The following ZC3H18 variants were observed in gnomAD, a reference collection of about 807,000 sequenced individuals.
ZC3H18 encodes the protein zinc finger CCCH-type containing 18, also known as zinc finger CCCH domain-containing protein 18.
Under a neutral mutation model 106.1 loss-of-function variants are expected in ZC3H18, and 8 were observed. The ratio of observed to expected loss-of-function variants is 0.08; its 90% CI spans 0.04 to 0.14. The LOEUF is 0.14. Ranked by LOEUF, ZC3H18 falls within the 10% of genes least tolerant of loss-of-function variation. ZC3H18 has a pLI of 1.00. For missense variants in ZC3H18, 1,318 were observed against 1,278.4 expected, an observed-to-expected ratio of 1.03 and a Z score of -0.47; for synonymous variants, 635 against 522.1, an observed-to-expected ratio of 1.22 and a Z score of -2.95.
chr16:88,570,728 A>G (rs992294126), intron 1 of ZC3H18, among the ~76,000 whole-genome samples, 162 bp downstream of exon 1: 5 of 151,346 alleles, frequency 3.3e-5, no homozygotes, highest in African/African-American at 1.2e-4. Context: ...GGCCCAGGGA[A>G]GGGGACCTTG....
At chr16:88,629,088 C>T (rs1906503070) in intron 16 of ZC3H18, among the ~76,000 whole-genome samples, 1 of 152,236 alleles carries the variant, frequency 6.6e-6, no homozygotes, top group African/African-American at 2.4e-5. Flanking sequence ...CCTATAATCC[C>T]AGCACTTTGG....
chr16:88,581,498 C>T (rs1298413678), intron 2 of ZC3H18, among the ~76,000 whole-genome samples: 1 of 152,160 alleles, frequency 6.6e-6, no homozygotes, highest in Non-Finnish European at 1.5e-5. Context: ...CCAGAACACC[C>T]CCTGATGCAA....
rs1388626620 is a variant in ZC3H18 at position 88,630,338 on chromosome 16, C to T, written c.2567-147C>T. On this transcript the variant is annotated intron_variant, in intron 16 of 17. Coordinates refer to ENST00000301011, the MANE Select transcript of ZC3H18 (RefSeq NM_144604.4). ...CACATCTCTCTTCTCCTACTTGGCT[C>T]TCCCCTTTTTATTTCTTTATAAAAA... The T allele has an allele frequency of 4.9e-6, 3 of 616,996 alleles. No homozygotes were observed. In the Admixed American group the frequency reaches 8.9e-5, roughly 18 times the overall value. 38.2% of individuals were successfully genotyped at this position (616,996 alleles called of 1,614,324 possible).
At chr16:88,597,532 C>T (rs563009392) in intron 3 of ZC3H18, among the ~76,000 whole-genome samples, 8 of 152,342 alleles carry the variant, frequency 5.3e-5, no homozygotes, top group African/African-American at 1.9e-4. Context: ...TTGAGTTAGA[C>T]ACTTAGATGT....
intron 3 of ZC3H18, chr16:88,587,743 G>A: frequency 1.1e-6 from 1 of 901,110 alleles, no homozygotes; most frequent in Non-Finnish European, 1.7e-6. Flanking sequence ...GAGGGGCAGA[G>A]AGCTGTTCGG....
At chr16:88,605,697 C>G (rs992215003) in intron 6 of ZC3H18, among the ~76,000 whole-genome samples, 1 of 152,240 alleles carries the variant, frequency 6.6e-6, no homozygotes, top group African/African-American at 2.4e-5. Context: ...TTTCCTAGTA[C>G]TTTTTGAGAT....
intron 9 of ZC3H18, chr16:88,622,823 G>A: frequency 3.3e-6 from 1 of 306,972 alleles, no homozygotes; most frequent in Non-Finnish European, 6.2e-6. Flanking sequence ...AGGGGGCCGG[G>A]GTAGACCCCA....
At chr16:88,623,093 G>A in intron 9 of ZC3H18, 126 bp from the exon 10 acceptor site, 1 of 1,379,670 alleles carries the variant, frequency 7.2e-7, no homozygotes, top group Non-Finnish European at 9.7e-7. Context: ...GTGCGCGCGT[G>A]CGCAGCTGTG....
chr16:88,577,252 G>C lies in ZC3H18; in HGVS notation c.129G>C (p.Val43=), dbSNP rs1381018420. The C allele has an allele frequency of 2.5e-6, 4 of 1,613,482 alleles. No individual in the cohort carries two copies. In the African/African-American group the frequency reaches 5.3e-5, roughly 22 times the overall value. ...ATCAGGATTTGGACGGGGCGGGGGT[G>C]AGGGCTTCTGATCTGGAGGATGAGG... is the stretch of plus-strand genomic sequence containing the variant. ...GSDQDLDGAG[V]RASDLEDEES... Residue 43 remains valine, a synonymous_variant, in exon 2 of 18, where the codon GTG becomes GTC. Coordinates refer to ENST00000301011, the MANE Select transcript of ZC3H18 (RefSeq NM_144604.4).
intron 1 of ZC3H18, among the ~76,000 whole-genome samples, chr16:88,572,039 A>C (rs1914439273): frequency 6.6e-6 from 1 of 152,068 alleles, no homozygotes; most frequent in Non-Finnish European, 1.5e-5. Flanking sequence ...TTCAATAGTC[A>C]CCCTCCAGGT....
chr16:88,604,344 CT>C (rs1904905017), intron 6 of ZC3H18, among the ~76,000 whole-genome samples: 1 of 89,782 alleles, frequency 1.1e-5, no homozygotes, highest in Non-Finnish European at 2.2e-5. Context: ...GAGTGAGACT[CT>C]TTCTCCAAAA....
intron 3 of ZC3H18, among the ~76,000 whole-genome samples, chr16:88,594,981 G>A (rs1277605632): frequency 4.6e-5 from 7 of 151,972 alleles, no homozygotes; most frequent in Non-Finnish European, 7.4e-5. Flanking sequence ...GAGAAACCTC[G>A]TTTCTACTAA....
chr16:88,631,405 T>TA lies in ZC3H18; in HGVS notation c.*112dup. ...TTTGGCTGTGATTCTTTTTAAAAAG[T>TA]AAAAAAGAAAAAAAAGTTTCTCAGC... On this transcript the variant is annotated 3_prime_UTR_variant, in exon 18 of 18. Coordinates refer to ENST00000301011, the MANE Select transcript of ZC3H18 (RefSeq NM_144604.4). The TA allele has an allele frequency of 6.9e-7, 1 of 1,442,992 alleles. No individual in the cohort carries two copies. The highest frequency in any genetic ancestry group is 9.3e-7 in the Non-Finnish European group (1 of 1,076,426). 89.4% of individuals were successfully genotyped at this position (1,442,992 alleles called of 1,614,324 possible).
chr16:88,619,228 C>T (rs904840982), intron 8 of ZC3H18, among the ~76,000 whole-genome samples: 1 of 151,992 alleles, frequency 6.6e-6, no homozygotes, highest in Non-Finnish European at 1.5e-5. Flanking sequence ...GAGCCAAGAT[C>T]GCACCACCGT....
At chr16:88,602,212 G>A (rs139140691) in intron 6 of ZC3H18, among the ~76,000 whole-genome samples, 5 of 152,348 alleles carry the variant, frequency 3.3e-5, no homozygotes, top group Admixed American at 3.3e-4. Flanking sequence ...CTTGTAGGGT[G>A]TGCAGGAGGG....
intron 10 of ZC3H18, 141 bp downstream of exon 10, chr16:88,623,485 G>T (rs1400835787): frequency 2.2e-5 from 25 of 1,151,882 alleles, no homozygotes; most frequent in Non-Finnish European, 2.8e-5. Flanking sequence ...TGGCCAGGGG[G>T]TCGTGTCCTG....
chr16:88,570,740 G>C (rs1292589616), intron 1 of ZC3H18, among the ~76,000 whole-genome samples, 174 bp downstream of exon 1: 1 of 151,652 alleles, frequency 6.6e-6, no homozygotes, highest in Non-Finnish European at 1.5e-5. Flanking sequence ...GGGACCTTGA[G>C]ACAGGCACCA....
At chr16:88,610,977 G>T (rs1407824458) in intron 7 of ZC3H18, among the ~76,000 whole-genome samples, 1 of 152,228 alleles carries the variant, frequency 6.6e-6, no homozygotes, top group African/African-American at 2.4e-5. Flanking sequence ...CTCTAATTTG[G>T]CATCTGACCC....
chr16:88,585,905 G>T (rs965722202), intron 2 of ZC3H18, among the ~76,000 whole-genome samples: 2 of 152,234 alleles, frequency 1.3e-5, no homozygotes, highest in African/African-American at 4.8e-5. Flanking sequence ...CTGTGTCAGG[G>T]ATGTCAGGTG....
Sources: allele counts gnomAD v4.1 joint callset (sites outside exome capture counted in the v4.1 genomes callset), GRCh38; gene constraint gnomAD v4.1.1; transcripts MANE v1.5; gene names NCBI Gene and HGNC (gene_info 2026-07-23, HGNC 2026-07-21).